BABAM2: variants seen among roughly 807,000 people sequenced by gnomAD.
BABAM2 encodes the protein BRISC and BRCA1 A complex member 2, also known as BRISC and BRCA1-A complex member 2.
In BABAM2, 31 loss-of-function variants were observed where a neutral mutation model predicts 54.7. The observed-to-expected ratio is 0.57, with a 90% CI of 0.43 to 0.77. The LOEUF is 0.77. BABAM2 is among the 30% of genes least tolerant of loss of function. The pLI is 0.00. For synonymous variants in BABAM2, 167 were observed against 162.9 expected, an observed-to-expected ratio of 1.03 and a Z score of -0.19; for missense variants, 364 against 455.8, an observed-to-expected ratio of 0.80 and a Z score of 1.83.
chr2:28,105,512 T>A (rs1209063176), intron 6 of BABAM2, among the ~76,000 whole-genome samples: 3 of 152,170 alleles, frequency 2.0e-5, no homozygotes, highest in Admixed American at 6.5e-5. Flanking sequence ...TTGAAAAACT[T>A]AAGTTTTTTT....
intron 7 of BABAM2, among the ~76,000 whole-genome samples, chr2:28,172,201 A>C (rs1166642635): frequency 2.0e-5 from 3 of 152,036 alleles, no homozygotes; most frequent in Non-Finnish European, 4.4e-5. Context: ...AGATGTGTGC[A>C]TTCATTTAGG....
At chr2:28,223,551 T>C (rs1166250932) in intron 7 of BABAM2, among the ~76,000 whole-genome samples, 2 of 152,230 alleles carry the variant, frequency 1.3e-5, no homozygotes, top group Non-Finnish European at 2.9e-5. Flanking sequence ...TTGATCGTAC[T>C]CTCTGCTTAT....
At chr2:28,084,584 T>C (rs1001485320) in intron 6 of BABAM2, among the ~76,000 whole-genome samples, 2 of 152,166 alleles carry the variant, frequency 1.3e-5, no homozygotes, top group African/African-American at 4.8e-5. Flanking sequence ...CAAGTACCCT[T>C]GGGTGTCTTC....
In BABAM2 at chr2:28,112,197, C is replaced by CCCTTCCTTCCTTCCTT. The variant is rs1215942914; in HGVS notation, c.571-17057_571-17042dup. Among the ~76,000 whole-genome samples the CCCTTCCTTCCTTCCTT allele has an allele frequency of 2.2e-3, 57 of 25,472 alleles. 2 individuals are homozygous for CCCTTCCTTCCTTCCTT. The highest frequency in any genetic ancestry group is 9.4e-3 in the African/African-American group (49 of 5,218). The allele number at this position is 25,472 out of a possible 152,430, so 16.7% of individuals were successfully genotyped here. A position where few individuals can be genotyped will look rare whatever the true frequency, so the allele number is the denominator to read the frequency against. Reference sequence around the variant, plus strand: ...TCCCTCCCTCCCTCCCTCCCTCCCTCCCTTCCTTCCTTCCTTCCTTCCTTC... The same window carrying CCCTTCCTTCCTTCCTT: ...TCCCTCCCTCCCTCCCTCCCTCCCTCCCTTCCTTCCTTCCTTCCTTCCTTCCTTCCTTCCTTCCTTC... On this transcript the variant is annotated intron_variant, in intron 6 of 11. Transcript: ENST00000379624.
chr2:28,295,123 G>A (rs1687578424), intron 10 of BABAM2, among the ~76,000 whole-genome samples: 1 of 152,062 alleles, frequency 6.6e-6, no homozygotes, highest in Non-Finnish European at 1.5e-5. Context: ...AAAGAAGATG[G>A]TTCCAAAATA....
chr2:27,965,691 A>ATGT (rs1670786927), intron 3 of BABAM2, among the ~76,000 whole-genome samples: 1 of 152,228 alleles, frequency 6.6e-6, no homozygotes, highest in Non-Finnish European at 1.5e-5. Context: ...ATACATATAC[A>ATGT]AACATACATA....
intron 4 of BABAM2, among the ~76,000 whole-genome samples, chr2:28,006,868 A>G (rs1404518310): frequency 6.6e-6 from 1 of 152,048 alleles, no homozygotes; most frequent in Non-Finnish European, 1.5e-5. Flanking sequence ...TATAAAAATT[A>G]CAGAAATTCT....
intron 10 of BABAM2, among the ~76,000 whole-genome samples, chr2:28,246,154 G>A (rs1016372134): frequency 6.6e-6 from 1 of 152,050 alleles, no homozygotes; most frequent in African/African-American, 2.4e-5. Flanking sequence ...TACAGTGTGG[G>A]GCCAGGTAAG....
At position 28,272,410 on chromosome 2, in the gene BABAM2, A is replaced by T. The variant is rs1685493885; in HGVS notation, c.935-25928A>T. ...CTTTGAGGAGGAAAGTGGAGTAGTG[A>T]TGGAACCCCACATAACAAAAGGGAC... On this transcript the variant is annotated intron_variant, in intron 10 of 11. Transcript: ENST00000379624. 2.0e-5 allele frequency among the ~76,000 whole-genome samples: 3 copies of T among 152,224 alleles called. No individual in the cohort carries two copies. The South Asian group carries it at 6.2e-4, about 31-fold the overall frequency.
At chr2:28,203,844 T>C (rs1222160036) in intron 7 of BABAM2, among the ~76,000 whole-genome samples, 1 of 152,188 alleles carries the variant, frequency 6.6e-6, no homozygotes, top group African/African-American at 2.4e-5. Flanking sequence ...TTGTCTTAGC[T>C]TGCCAGGGTG....
intron 11 of BABAM2, among the ~76,000 whole-genome samples, chr2:28,328,948 T>C (rs1381356451): frequency 6.6e-6 from 1 of 152,240 alleles, no homozygotes; most frequent in Non-Finnish European, 1.5e-5. Flanking sequence ...AGACGTCTAT[T>C]TTATGGATTT....
intron 6 of BABAM2, among the ~76,000 whole-genome samples, chr2:28,066,087 A>G (rs1663522485): frequency 6.6e-6 from 1 of 151,466 alleles, no homozygotes; most frequent in Non-Finnish European, 1.5e-5. Flanking sequence ...TGAACCTGGA[A>G]GGTGGAAGTT....
rs551898004 is a variant in BABAM2 at position 28,272,809 on chromosome 2, G to A, written c.935-25529G>A. Among the ~76,000 whole-genome samples, 150 of 152,278 alleles carry A rather than the reference G, an allele frequency of 9.9e-4. 1 individual carries two copies. Among genetic ancestry groups the A allele is most frequent in the African/African-American group, 3.4e-3 (143 of 41,574 alleles). ...TCCGAGGGTTCTGTGGGAATCAGAA[G>A]GGAGCACCTCCCTCTGCGTGAGGGA... On this transcript the variant is annotated intron_variant, in intron 10 of 11. Transcript: ENST00000379624.
In BABAM2 at chr2:27,921,452, C is replaced by T. The variant is rs545096884; in HGVS notation, c.129-8380C>T. Among the ~76,000 whole-genome samples, 53 of 152,218 alleles carry T rather than the reference C, an allele frequency of 3.5e-4. No homozygotes were observed. In the South Asian group the frequency reaches 0.01, roughly 29 times the overall value. On this transcript the variant is annotated intron_variant, in intron 2 of 11. Coordinates refer to ENST00000379624, the MANE Select transcript of BABAM2 (RefSeq NM_199191.3). ...GCCACTAATTATGATTTATAATTCA[C>T]TAATCATAAGATATTAATCTGATGG... is the stretch of plus-strand genomic sequence containing the variant.
chr2:28,228,408 G>C lies in BABAM2; in HGVS notation c.681-8794G>C, dbSNP rs966245650. Among the ~76,000 whole-genome samples, 3 of 152,264 alleles carry C rather than the reference G, an allele frequency of 2.0e-5. No homozygotes were observed. The East Asian group carries it at 5.8e-4, about 29-fold the overall frequency. ...GAAAGAAGGAGTTAGAAAAATGTTT[G>C]TAGGTTAGTCTAGGATAACTATTGT... On this transcript the variant is annotated intron_variant, in intron 7 of 11. Transcript: ENST00000379624.
chr2:28,076,481 TTTAGTTAGTTAG>T (rs148940632), intron 6 of BABAM2, among the ~76,000 whole-genome samples: 10 of 146,528 alleles, frequency 6.8e-5, no homozygotes, highest in South Asian at 4.4e-4. Context: ...TATTTATTTA[TTTAGTTAGTTAG>T]TTAGTTAGTT....
chr2:28,183,935 G>C (rs1675950611), intron 7 of BABAM2, among the ~76,000 whole-genome samples: 1 of 152,074 alleles, frequency 6.6e-6, no homozygotes, highest in Non-Finnish European at 1.5e-5. Flanking sequence ...GGGAGTCAGA[G>C]TGTTGTTATT....
intron 7 of BABAM2, among the ~76,000 whole-genome samples, chr2:28,189,417 A>G (rs1676663168): frequency 6.6e-6 from 1 of 152,228 alleles, no homozygotes; most frequent in South Asian, 2.1e-4. Flanking sequence ...ATTAAGTATT[A>G]TAGGCGGTAA....
chr2:27,964,663 C>G (rs1011557440), intron 3 of BABAM2, among the ~76,000 whole-genome samples: 5 of 152,140 alleles, frequency 3.3e-5, no homozygotes, highest in African/African-American at 1.2e-4. Flanking sequence ...AATCATGACA[C>G]ATTACACACT....
Sources: allele counts gnomAD v4.1 joint callset (sites outside exome capture counted in the v4.1 genomes callset), GRCh38; gene constraint gnomAD v4.1.1; transcripts MANE v1.5; gene names NCBI Gene and HGNC (gene_info 2026-07-23, HGNC 2026-07-21).